Variants in CPNE4 observed in about 807,000 individuals in gnomAD.
CPNE4 encodes the protein copine-4.
In CPNE4, 25 loss-of-function variants were observed where a neutral mutation model predicts 67.9. That is an observed-to-expected ratio of 0.37 (90% CI 0.27 to 0.51). The LOEUF is 0.51. Ranked by LOEUF, CPNE4 falls within the 20% of genes least tolerant of loss-of-function variation. The pLI is 0.93. For synonymous variants in CPNE4, 242 were observed against 244.9 expected (o/e 0.99, Z 0.11); for missense variants, 464 against 690.8 (o/e 0.67, Z 3.68).
At chr3:132,027,256 C>G (rs1175636018) in intron 1 of CPNE4, among the ~76,000 whole-genome samples, 2 of 152,138 alleles carry the variant, frequency 1.3e-5, no homozygotes, top group Non-Finnish European at 2.9e-5. Flanking sequence ...GTGAAGAAGC[C>G]TTTATTCTCA....
chr3:131,892,043 G>A (rs2088138713), intron 2 of CPNE4, among the ~76,000 whole-genome samples: 1 of 152,118 alleles, frequency 6.6e-6, no homozygotes, highest in Admixed American at 6.6e-5. Context: ...GAGGCAAAGA[G>A]TCTCACCTCT....
chr3:131,583,043 T>C (rs1383367064), intron 8 of CPNE4, among the ~76,000 whole-genome samples: 2 of 152,188 alleles, frequency 1.3e-5, no homozygotes. Context: ...ACTGGGCAAC[T>C]ACATAGGATT....
intron 10 of CPNE4, among the ~76,000 whole-genome samples, chr3:131,573,642 G>A (rs913103958): frequency 1.3e-5 from 2 of 152,050 alleles, no homozygotes; most frequent in South Asian, 2.1e-4. Context: ...CTGAAATCAC[G>A]TTTTTGCCTA....
At chr3:131,624,300 C>T (rs1940624788) in intron 7 of CPNE4, among the ~76,000 whole-genome samples, 1 of 152,172 alleles carries the variant, frequency 6.6e-6, no homozygotes, top group Admixed American at 6.6e-5. Flanking sequence ...ATAGCTTTCT[C>T]ATTTTAACCA....
At chr3:131,715,477 T>C (rs553728503) in intron 3 of CPNE4, among the ~76,000 whole-genome samples, 37 of 152,358 alleles carry the variant, frequency 2.4e-4, no homozygotes, top group African/African-American at 8.4e-4. Flanking sequence ...TACAGGGCTT[T>C]GGAGCTAAAG....
intron 2 of CPNE4, among the ~76,000 whole-genome samples, chr3:131,861,151 C>T (rs1241267449): frequency 6.6e-6 from 1 of 152,172 alleles, no homozygotes; most frequent in Non-Finnish European, 1.5e-5. Flanking sequence ...GATTGTCAAA[C>T]ATTCCTTATT....
At chr3:132,006,878 T>C (rs2073622920) in intron 1 of CPNE4, among the ~76,000 whole-genome samples, 1 of 152,140 alleles carries the variant, frequency 6.6e-6, no homozygotes, top group Admixed American at 6.6e-5. Context: ...ATTATCTCAT[T>C]TGCTGCTGAT....
intron 1 of CPNE4, among the ~76,000 whole-genome samples, chr3:131,964,764 T>C (rs2107930325): frequency 6.6e-6 from 1 of 152,150 alleles, no homozygotes; most frequent in South Asian, 2.1e-4. Context: ...TATCTGAAAG[T>C]GATGAGGAGA....
At chr3:131,772,403 T>G (rs2083190398) in intron 2 of CPNE4, among the ~76,000 whole-genome samples, 1 of 152,134 alleles carries the variant, frequency 6.6e-6, no homozygotes, top group African/African-American at 2.4e-5. Context: ...ATAGAAAACC[T>G]CTGTCAGACA....
chr3:131,965,631 G>A lies in CPNE4; in HGVS notation c.-1-60187C>T, dbSNP rs566391269. 3.3e-5 allele frequency among the ~76,000 whole-genome samples: 5 copies of A among 152,118 alleles called. No homozygotes were observed. In the South Asian group the frequency reaches 1.0e-3, roughly 32 times the overall value. ...CAAAGATCAAAAAAGACAAAGAAGG[G>A]CATTACATAATGGTAAAGGGATCAA... On this transcript the variant is annotated intron_variant, in intron 1 of 15. Transcript: ENST00000429747.
At chr3:131,704,943 A>G (rs1000210472) in intron 3 of CPNE4, among the ~76,000 whole-genome samples, 2 of 152,132 alleles carry the variant, frequency 1.3e-5, no homozygotes, top group African/African-American at 4.8e-5. Flanking sequence ...ATGAGGTCAT[A>G]AGGGTAGGGC....
chr3:131,952,821 A>G (rs2071804562), intron 1 of CPNE4, among the ~76,000 whole-genome samples: 2 of 152,212 alleles, frequency 1.3e-5, no homozygotes, highest in South Asian at 4.1e-4. Flanking sequence ...TGGGGAAAAG[A>G]TTGAGAAATC....
chr3:131,909,273 C>A (rs868031710), intron 1 of CPNE4, among the ~76,000 whole-genome samples: 3 of 152,194 alleles, frequency 2.0e-5, no homozygotes, highest in South Asian at 4.2e-4. Context: ...CTGGGATAGA[C>A]AATTTATTCT....
At chr3:131,914,775 G>C (rs1327539478) in intron 1 of CPNE4, among the ~76,000 whole-genome samples, 1 of 152,150 alleles carries the variant, frequency 6.6e-6, no homozygotes, top group Non-Finnish European at 1.5e-5. Context: ...TTGGGAGTTC[G>C]AGACCAGCCT....
At chr3:131,943,048 T>G (rs887301396) in intron 1 of CPNE4, among the ~76,000 whole-genome samples, 1 of 152,158 alleles carries the variant, frequency 6.6e-6, no homozygotes, top group South Asian at 2.1e-4. Flanking sequence ...AGATGTGTTA[T>G]GGAAATCCAG....
At chr3:131,850,841 T>C (rs903886088) in intron 2 of CPNE4, among the ~76,000 whole-genome samples, 6 of 152,094 alleles carry the variant, frequency 3.9e-5, no homozygotes, top group Non-Finnish European at 5.9e-5. Flanking sequence ...AAATCATACA[T>C]CTAGTAAGTA....
chr3:131,872,874 C>T (rs916251610), intron 2 of CPNE4, among the ~76,000 whole-genome samples: 12 of 152,174 alleles, frequency 7.9e-5, no homozygotes, highest in Non-Finnish European at 1.8e-4. Flanking sequence ...CCAATAATTT[C>T]GTCCCTCAGC....
intron 2 of CPNE4, among the ~76,000 whole-genome samples, chr3:131,802,131 T>A (rs1461372408): frequency 6.6e-6 from 1 of 152,046 alleles, no homozygotes. Flanking sequence ...CTGATCAAAG[T>A]AGAGTGCAAG....
chr3:131,541,827 C>G (rs534722127), intron 15 of CPNE4, among the ~76,000 whole-genome samples: 10 of 151,908 alleles, frequency 6.6e-5, no homozygotes, highest in Non-Finnish European at 1.3e-4. Context: ...CCTGCCACCA[C>G]GCCCAGCTAA....
Sources: allele counts gnomAD v4.1 joint callset (sites outside exome capture counted in the v4.1 genomes callset), GRCh38; gene constraint gnomAD v4.1.1; transcripts MANE v1.5; gene names NCBI Gene and HGNC (gene_info 2026-07-23, HGNC 2026-07-21).